KDM4C: variants seen among roughly 807,000 people sequenced by gnomAD.
KDM4C encodes the protein lysine demethylase 4C, also known as lysine-specific demethylase 4C.
A neutral mutation model predicts 129.3 loss-of-function variants in KDM4C; 81 were observed. The ratio of observed to expected loss-of-function variants is 0.63; its 90% CI spans 0.52 to 0.75. KDM4C has a LOEUF of 0.75. KDM4C is among the 30% of genes least tolerant of loss of function. The pLI, the probability that KDM4C is intolerant of heterozygous loss-of-function variation, is 0.00. For synonymous variants in KDM4C, 573 were observed against 456.1 expected, an observed-to-expected ratio of 1.26 and a Z score of -3.26; for missense variants, 1,457 against 1,304.0, an observed-to-expected ratio of 1.12 and a Z score of -1.81.
At position 7,097,142 on chromosome 9, in the gene KDM4C, C is replaced by T. The variant is rs183527963; in HGVS notation, c.2425-6543C>T. Among the ~76,000 whole-genome samples the T allele has an allele frequency of 5.9e-5, 9 of 152,300 alleles. No individual in the cohort carries two copies. The East Asian group carries it at 1.7e-3, about 29-fold the overall frequency. The stretch of plus-strand genomic sequence containing the variant: ...TTCAGGGTAAGCTCACAGTCTACTT[C>T]TTCTTAGTGGCTTTCTTATTCCTTT... On this transcript the variant is annotated intron_variant, in intron 17 of 21. Transcript: ENST00000381309.
chr9:6,961,037 A>G (rs879514559), intron 8 of KDM4C, among the ~76,000 whole-genome samples: 2 of 152,202 alleles, frequency 1.3e-5, no homozygotes, highest in Non-Finnish European at 2.9e-5. Flanking sequence ...GACACTCTCA[A>G]ATTCACTTTC....
At chr9:6,820,982 G>C (rs948596108) in intron 4 of KDM4C, among the ~76,000 whole-genome samples, 1 of 147,404 alleles carries the variant, frequency 6.8e-6, no homozygotes, top group Admixed American at 7.1e-5. Context: ...TTGGTTTTCT[G>C]TCCTTGTGAT....
At chr9:6,776,173 C>G (rs968502549) in intron 1 of KDM4C, among the ~76,000 whole-genome samples, 1 of 152,202 alleles carries the variant, frequency 6.6e-6, no homozygotes, top group Non-Finnish European at 1.5e-5. Flanking sequence ...AAGCCTTGAA[C>G]TCCTGGGCTC....
chr9:6,766,097 A>G (rs1334233575), intron 1 of KDM4C, among the ~76,000 whole-genome samples: 1 of 152,190 alleles, frequency 6.6e-6, no homozygotes, highest in East Asian at 1.9e-4. Flanking sequence ...CAAAGTAAAT[A>G]TTTTAAAATA....
At chr9:6,885,886 G>A (rs1405661044) in intron 6 of KDM4C, among the ~76,000 whole-genome samples, 1 of 152,156 alleles carries the variant, frequency 6.6e-6, no homozygotes, top group African/African-American at 2.4e-5. Context: ...CCTTCCTTCA[G>A]TGGTTTTCCA....
intron 18 of KDM4C, among the ~76,000 whole-genome samples, chr9:7,125,517 A>T (rs1028822569): frequency 6.6e-6 from 1 of 152,238 alleles, no homozygotes; most frequent in African/African-American, 2.4e-5. Flanking sequence ...GAAATTAGTG[A>T]ATGAATGACT....
At chr9:6,906,955 A>G (rs1338780636) in intron 8 of KDM4C, among the ~76,000 whole-genome samples, 1 of 152,226 alleles carries the variant, frequency 6.6e-6, no homozygotes, top group Non-Finnish European at 1.5e-5. Flanking sequence ...GAACAATCTA[A>G]GATTTATGAT....
intron 8 of KDM4C, among the ~76,000 whole-genome samples, chr9:6,909,115 A>G (rs967268426): frequency 1.3e-5 from 2 of 152,256 alleles, no homozygotes; most frequent in Non-Finnish European, 2.9e-5. Flanking sequence ...AATATGTGAA[A>G]CATACTGAAA....
At chr9:6,818,693 T>C (rs762691560) in intron 4 of KDM4C, among the ~76,000 whole-genome samples, 1 of 152,214 alleles carries the variant, frequency 6.6e-6, no homozygotes, top group Non-Finnish European at 1.5e-5. Context: ...GCGATTTCCA[T>C]TGGAATGGGT....
upstream of KDM4C, among the ~76,000 whole-genome samples, chr9:6,753,691 A>C (rs917530533): frequency 6.6e-6 from 1 of 152,180 alleles, no homozygotes; most frequent in African/African-American, 2.4e-5. Flanking sequence ...CCCATGGCAG[A>C]AGGACAAAGA....
intron 4 of KDM4C, among the ~76,000 whole-genome samples, chr9:6,833,038 A>G (rs557318773): frequency 1.3e-5 from 2 of 152,044 alleles, no homozygotes; most frequent in Admixed American, 1.3e-4. Context: ...GCCTGGTCGT[A>G]AAGTAGTATA....
At chr9:6,877,856 T>C (rs948526471) in intron 5 of KDM4C, among the ~76,000 whole-genome samples, 1 of 152,240 alleles carries the variant, frequency 6.6e-6, no homozygotes, top group East Asian at 1.9e-4. Flanking sequence ...TTATTACTTA[T>C]CTTCAGACTG....
At position 6,854,525 on chromosome 9, in the gene KDM4C, C is replaced by CAAAAAAA. The variant is rs1177446839; in HGVS notation, c.629+4839_629+4845dup. On this transcript the variant is annotated intron_variant, in intron 5 of 21. Coordinates refer to ENST00000381309, the MANE Select transcript of KDM4C (RefSeq NM_015061.6). ...GGGCAACAAGAGCGAAACTCCGTCT[C>CAAAAAAA]AAAAAAAAAAAAAAAAAAAACAAAA... Among the ~76,000 whole-genome samples, 116 of 41,294 alleles carry CAAAAAAA rather than the reference C, an allele frequency of 2.8e-3. 3 individuals are homozygous for CAAAAAAA. The highest frequency in any genetic ancestry group is 8.4e-3 in the East Asian group (13 of 1,556). The allele number at this position is 41,294 out of a possible 152,430, so 27.1% of individuals were successfully genotyped here. A position where few individuals can be genotyped will look rare whatever the true frequency, so the allele number is the denominator to read the frequency against.
At chr9:6,839,134 A>C (rs1363163426) in intron 4 of KDM4C, among the ~76,000 whole-genome samples, 1 of 152,198 alleles carries the variant, frequency 6.6e-6, no homozygotes, top group Non-Finnish European at 1.5e-5. Context: ...AGTTTGGTGG[A>C]TGGTCTTTTC....
chr9:6,953,569 A>T (rs141065475), intron 8 of KDM4C, among the ~76,000 whole-genome samples: 2 of 152,202 alleles, frequency 1.3e-5, no homozygotes, highest in African/African-American at 4.8e-5. Context: ...GCTCATTTTG[A>T]AAATAATGTG....
In KDM4C at chr9:6,980,933, C is replaced by A. The variant is rs1392823938; in HGVS notation, c.930C>A (p.Cys310Ter). 1 of 1,613,414 alleles carries A rather than the reference C, an allele frequency of 6.2e-7. No homozygotes were observed. ...ACCCGGTTGTGTTTCAGTGCACTTG[C>A]AGGAAAGACATGGTGAAGATTTCAA... ...DYGKVAKLCT[C>*]RKDMVKISMD... Residue 310 changes from cysteine (C) to a stop codon, truncating the protein, a stop_gained, in exon 9 of 22, where the codon TGC becomes TGA. Coordinates refer to ENST00000381309, the MANE Select transcript of KDM4C (RefSeq NM_015061.6). LOFTEE classifies it high-confidence loss of function.
At position 6,737,182 on chromosome 9, in the gene KDM4C, C is replaced by T. The variant is rs146219114; in HGVS notation, c.49+16185C>T. Reference sequence around the variant, plus strand: ...TAAATTGAAACAGAAAATTGACAAACGGGACCTAATTAAAGTAAAGAGCTT... The same window carrying T: ...TAAATTGAAACAGAAAATTGACAAATGGGACCTAATTAAAGTAAAGAGCTT... On this transcript the variant is annotated intron_variant, in intron 1 of 17. Coordinates refer to the KDM4C transcript ENST00000536108. Among the ~76,000 whole-genome samples, 200 of 150,168 alleles carry T rather than the reference C, an allele frequency of 1.3e-3. 1 individual carries two copies. Among genetic ancestry groups the T allele is most frequent in the Non-Finnish European group, 2.2e-3 (149 of 67,676 alleles).
chr9:7,096,889 T>C (rs947206453), intron 17 of KDM4C, among the ~76,000 whole-genome samples: 2 of 152,172 alleles, frequency 1.3e-5, no homozygotes, highest in African/African-American at 4.8e-5. Flanking sequence ...CTGCTACTAC[T>C]AAGCGATCGT....
intron 1 of KDM4C, among the ~76,000 whole-genome samples, chr9:6,741,760 G>T (rs536939663): frequency 6.8e-6 from 1 of 147,776 alleles, no homozygotes; most frequent in Non-Finnish European, 1.5e-5. Context: ...TAGAGACAGG[G>T]TCTAACTATG....
Sources: gnomAD v4.1 joint callset for allele counts (sites outside exome capture counted in the v4.1 genomes callset) on GRCh38, gnomAD v4.1.1 for gene constraint, MANE v1.5 for transcripts, NCBI Gene and HGNC (gene_info 2026-07-23, HGNC 2026-07-21) for gene names.